Variants in PTPRU observed in about 807,000 individuals in gnomAD.
PTPRU encodes the protein receptor-type tyrosine-protein phosphatase U.
PTPRU carries 69 observed loss-of-function variants against 166.3 expected under a neutral mutation model. That is an observed-to-expected ratio of 0.41 (90% CI 0.34 to 0.51). The LOEUF is 0.51. Among genes scored for constraint, PTPRU ranks in the 20% least tolerant of loss-of-function variants. The pLI is 0.09. For synonymous variants in PTPRU, 793 were observed against 814.0 expected (o/e 0.97, Z 0.44); for missense variants, 1,657 against 2,013.7 (o/e 0.82, Z 3.39).
chr1:29,236,571 C>CCTCGGGCTGGG lies in PTPRU; in HGVS notation c.-65_-55dup, dbSNP rs1222163710. On this transcript the variant is annotated 5_prime_UTR_variant, in exon 1 of 30. Coordinates refer to ENST00000373779, the MANE Select transcript of PTPRU (RefSeq NM_133178.4). The surrounding 1 kb of genome is among the most constrained non-coding windows in gnomAD (Gnocchi z 4.6). ...CCGCTCCGGCTCGGGCTCCGGCTCG[C>CCTCGGGCTGGG]CTCGGGCTGGGCTCGGGCTCCGGGG... is the stretch of plus-strand genomic sequence containing the variant. The CCTCGGGCTGGG allele has an allele frequency of 8.0e-6, 9 of 1,123,554 alleles. No individual in the cohort carries two copies. Among genetic ancestry groups the CCTCGGGCTGGG allele is most frequent in the Non-Finnish European group, 9.9e-6 (9 of 906,386 alleles). The allele number at this position is 1,123,554 out of a possible 1,614,324, so 69.6% of individuals were successfully genotyped here. A position where few individuals can be genotyped will look rare whatever the true frequency, so the allele number is the denominator to read the frequency against.
intron 15 of PTPRU, among the ~76,000 whole-genome samples, chr1:29,301,422 T>C (rs1189074233): frequency 6.6e-6 from 1 of 152,248 alleles, no homozygotes; most frequent in African/African-American, 2.4e-5. Context: ...CATACAATTA[T>C]GTGCAGTACA....
intron 15 of PTPRU, among the ~76,000 whole-genome samples, chr1:29,299,381 G>C (rs1687038295): frequency 6.6e-6 from 1 of 152,210 alleles, no homozygotes; most frequent in African/African-American, 2.4e-5. Flanking sequence ...GGTGGGGTAG[G>C]AAGTGTGTCT....
intron 7 of PTPRU, among the ~76,000 whole-genome samples, chr1:29,269,685 A>T (rs1381691984): frequency 6.6e-6 from 1 of 152,062 alleles, no homozygotes; most frequent in Non-Finnish European, 1.5e-5. Context: ...CTCCCCTCGC[A>T]CTATATTATT....
At position 29,291,814 on chromosome 1, in the gene PTPRU, G is replaced by T; in HGVS notation, c.2319-55G>T. The T allele has an allele frequency of 1.3e-6, 2 of 1,587,134 alleles. No individual in the cohort carries two copies. Among genetic ancestry groups the T allele is most frequent in the East Asian group, 4.5e-5 (2 of 44,288 alleles). On this transcript the variant is annotated intron_variant, in intron 14 of 29. Transcript: ENST00000373779. This position sits in a 1 kb window ranked among gnomAD's most constrained non-coding sequence, Gnocchi z 4.1. ...CTCCAGGGCCTCCCCAGCCACCTCT[G>T]GGTGCTGTCCAGCCCCACACAATGC... is the stretch of plus-strand genomic sequence containing the variant.
chr1:29,323,690 G>T lies in PTPRU; in HGVS notation c.4014G>T (p.Arg1338=). The T allele has an allele frequency of 6.2e-7, 1 of 1,614,158 alleles. No individual in the cohort carries two copies. The highest frequency in any genetic ancestry group is 8.5e-7 in the Non-Finnish European group (1 of 1,180,016). The stretch of plus-strand genomic sequence containing the variant: ...AGTTCCTGCGCTGGTCTGCATACCG[G>T]GACACACCTGACTCCAAGAAGGCCT... ...HFQFLRWSAY[R]DTPDSKKAFL... is the part of the protein sequence containing the mutation. Residue 1338 remains arginine, a synonymous_variant, in exon 28 of 30, where the codon CGG becomes CGT. Coordinates refer to ENST00000373779, the MANE Select transcript of PTPRU (RefSeq NM_133178.4).
intron 1 of PTPRU, among the ~76,000 whole-genome samples, chr1:29,254,171 C>T (rs1684673536): frequency 2.0e-5 from 3 of 152,162 alleles, no homozygotes; most frequent in South Asian, 2.1e-4. Context: ...CTTGCTTCCT[C>T]GCCACTTGCT....
chr1:29,307,099 T>C, intron 18 of PTPRU: 2 of 1,612,144 alleles, frequency 1.2e-6, no homozygotes, highest in Non-Finnish European at 1.7e-6. Context: ...CTCTTTTGCT[T>C]TGTACTGTTT....
intron 14 of PTPRU, 142 bp downstream of exon 14, chr1:29,285,011 A>G (rs1686278892): frequency 8.5e-7 from 1 of 1,176,072 alleles, no homozygotes; most frequent in Middle Eastern, 2.7e-4. Flanking sequence ...TCGCCTCTAC[A>G]GATGGATCTG....
intron 1 of PTPRU, among the ~76,000 whole-genome samples, chr1:29,252,665 C>T (rs924787326): frequency 2.6e-5 from 4 of 152,184 alleles, no homozygotes; most frequent in African/African-American, 7.2e-5. Flanking sequence ...AAAGTGAAGT[C>T]GCTTGCTGCG....
chr1:29,296,157 C>T lies in PTPRU; in HGVS notation c.2476+4131C>T, dbSNP rs191754990. ...CCCATGTTTTTTTGGCTGGGACCTCCGGTACTGTGTTGAATAGACTGGTTG... is the reference window on the plus strand; with the variant it reads ...CCCATGTTTTTTTGGCTGGGACCTCTGGTACTGTGTTGAATAGACTGGTTG... On this transcript the variant is annotated intron_variant, in intron 15 of 29. Coordinates refer to ENST00000373779, the MANE Select transcript of PTPRU (RefSeq NM_133178.4). 4.6e-5 allele frequency among the ~76,000 whole-genome samples: 7 copies of T among 152,254 alleles called. No individual in the cohort carries two copies. In the East Asian group the frequency reaches 7.7e-4, roughly 17 times the overall value.
chr1:29,325,182 C>G lies in PTPRU; in HGVS notation c.4113-9C>G, dbSNP rs1688350563. On this transcript the variant is annotated splice_polypyrimidine_tract_variant and intron_variant, in intron 28 of 29. Coordinates refer to ENST00000373779, the MANE Select transcript of PTPRU (RefSeq NM_133178.4). ...GCCCCGCCCCTCAGCTTTTGCATCTCTCATTCAGAAACGGGGGAGGACGCA... is the reference window on the plus strand; with the variant it reads ...GCCCCGCCCCTCAGCTTTTGCATCTGTCATTCAGAAACGGGGGAGGACGCA... The G allele has an allele frequency of 6.2e-7, 1 of 1,614,040 alleles. No individual in the cohort carries two copies. Among genetic ancestry groups the G allele is most frequent in the Admixed American group, 1.7e-5 (1 of 59,990 alleles).
rs936828540 is a variant in PTPRU at position 29,238,382 on chromosome 1, G to T, written c.73+1665G>T. ...ACCTCCCCCGCCCTCGCCACCGGCG[G>T]GGCTGCTCCGCGGGCTCCGGGTAGC... On this transcript the variant is annotated intron_variant, in intron 1 of 29. Transcript: ENST00000373779. This position sits in a 1 kb window ranked among gnomAD's most constrained non-coding sequence, Gnocchi z 6.1. Among the ~76,000 whole-genome samples, 3 of 152,120 alleles carry T rather than the reference G, an allele frequency of 2.0e-5. No individual in the cohort carries two copies. Among genetic ancestry groups the T allele is most frequent in the East Asian group, 3.9e-4 (2 of 5,118 alleles).
At chr1:29,321,818 G>A (rs1688174702) in intron 26 of PTPRU, among the ~76,000 whole-genome samples, 1 of 152,230 alleles carries the variant, frequency 6.6e-6, no homozygotes, top group Non-Finnish European at 1.5e-5. Context: ...TGATGAGGGT[G>A]ACAGTTGTAT....
Position 29,308,511 on chromosome 1 carries a change from G to A in PTPRU, c.2821-2233G>A, listed in dbSNP as rs140913465. On this transcript the variant is annotated intron_variant, in intron 18 of 29. Coordinates refer to ENST00000373779, the MANE Select transcript of PTPRU (RefSeq NM_133178.4). ...AAGCCTGGGAGGCAGAAGTTGCAGT[G>A]AGTCGAGATCGTGCCATTGCACTCC... Among the ~76,000 whole-genome samples, 12 of 141,172 alleles carry A rather than the reference G, an allele frequency of 8.5e-5. 1 individual carries two copies. The East Asian group carries it at 2.4e-3, about 28-fold the overall frequency. The allele number at this position is 141,172 out of a possible 152,430, so 92.6% of individuals were successfully genotyped here.
intron 17 of PTPRU, 134 bp downstream of exon 17, chr1:29,304,983 A>G: frequency 2.8e-6 from 2 of 710,000 alleles, no homozygotes; most frequent in East Asian, 5.5e-5. Flanking sequence ...AGGGCCTACC[A>G]CACGTCACGC....
chr1:29,291,751 T>C lies in PTPRU; in HGVS notation c.2319-118T>C. ...AGCCCTCAGCATCCAGAGATGCTTC[T>C]AGGACAGCTGCTGGCTCCTGGCCTT... is the stretch of plus-strand genomic sequence containing the variant. On this transcript the variant is annotated intron_variant, in intron 14 of 29. Transcript: ENST00000373779. The surrounding 1 kb of genome is among the most constrained non-coding windows in gnomAD (Gnocchi z 4.1). 1 of 1,083,040 alleles carries C rather than the reference T, an allele frequency of 9.2e-7. No individual in the cohort carries two copies. Among genetic ancestry groups the C allele is most frequent in the Non-Finnish European group, 1.3e-6 (1 of 746,202 alleles). 67.1% of individuals were successfully genotyped at this position (1,083,040 alleles called of 1,614,324 possible).
intron 19 of PTPRU, 137 bp downstream of exon 19, chr1:29,310,917 C>T: frequency 9.0e-7 from 1 of 1,106,770 alleles, no homozygotes; most frequent in Non-Finnish European, 1.4e-6. Context: ...TATTCTGGCT[C>T]CCTGCTTGTT....
intron 15 of PTPRU, among the ~76,000 whole-genome samples, chr1:29,303,153 G>A (rs1687214021): frequency 6.6e-6 from 1 of 152,248 alleles, no homozygotes; most frequent in South Asian, 2.1e-4. Context: ...CAAGGCGGGT[G>A]TGGCTATTTT....
At chr1:29,288,699 T>A (rs1686477732) in intron 14 of PTPRU, among the ~76,000 whole-genome samples, 2 of 151,424 alleles carry the variant, frequency 1.3e-5, no homozygotes, top group Non-Finnish European at 2.9e-5. Flanking sequence ...GCTGACAGGG[T>A]GATGTGGGGG....
Sources: gnomAD v4.1 joint callset for allele counts (sites outside exome capture counted in the v4.1 genomes callset) on GRCh38, gnomAD v4.1.1 for gene constraint, Gnocchi (gnomAD v3.1) non-coding constraint, MANE v1.5 for transcripts, NCBI Gene and HGNC (gene_info 2026-07-23, HGNC 2026-07-21) for gene names.